The following LPAR3 variants were observed in gnomAD, a reference collection of about 807,000 sequenced individuals.
The protein encoded by LPAR3 is lysophosphatidic acid receptor 3.
LPAR3 carries 7 observed loss-of-function variants against 17.8 expected under a neutral mutation model. The observed-to-expected ratio is 0.39, with a 90% CI of 0.22 to 0.74. LPAR3 has a LOEUF of 0.74. LPAR3 is among the 30% of genes least tolerant of loss of function. LPAR3 has a pLI of 0.40. For synonymous variants in LPAR3, 179 were observed against 179.9 expected, an observed-to-expected ratio of 0.99 and a Z score of 0.04; for missense variants, 391 against 453.4, an observed-to-expected ratio of 0.86 and a Z score of 1.25.
At chr1:84,876,311 C>T (rs1660257259) in intron 1 of LPAR3, among the ~76,000 whole-genome samples, 1 of 152,176 alleles carries the variant, frequency 6.6e-6, no homozygotes, top group African/African-American at 2.4e-5. Flanking sequence ...ATGCATCTTC[C>T]AGCTCCCCTC....
At chr1:84,854,703 A>G (rs1219044323) in intron 2 of LPAR3, among the ~76,000 whole-genome samples, 1 of 152,238 alleles carries the variant, frequency 6.6e-6, no homozygotes, top group East Asian at 1.9e-4. Context: ...GAGAAAATAT[A>G]AAATGCAGAA....
intron 2 of LPAR3, among the ~76,000 whole-genome samples, chr1:84,832,385 T>C (rs970907511): frequency 4.6e-5 from 7 of 152,186 alleles, no homozygotes; most frequent in African/African-American, 1.7e-4. Context: ...TGCCCTCTAG[T>C]AAGTCAAAAT....
intron 1 of LPAR3, among the ~76,000 whole-genome samples, chr1:84,876,332 A>T (rs1016959700): frequency 2.0e-5 from 3 of 152,066 alleles, no homozygotes; most frequent in African/African-American, 7.2e-5. Flanking sequence ...CCTACCCTGT[A>T]TCCTACAGGG....
Position 84,882,269 on chromosome 1 carries a change from ATAAACT to A in LPAR3, c.-19+10741_-19+10746del, listed in dbSNP as rs367682387. ...ATTAAAAAGAATAAAACCCTGACAA[ATAAACT>A]TAATCAGAAAGGCAAAAGACTTATA... On this transcript the variant is annotated intron_variant, in intron 1 of 2. Transcript: ENST00000370611. Among the ~76,000 whole-genome samples, 409 of 152,338 alleles carry A rather than the reference ATAAACT, an allele frequency of 2.7e-3. 2 individuals are homozygous for A. The highest frequency in any genetic ancestry group is 8.1e-3 in the South Asian group (39 of 4,828).
At chr1:84,833,805 G>C (rs1659340085) in intron 2 of LPAR3, among the ~76,000 whole-genome samples, 2 of 152,176 alleles carry the variant, frequency 1.3e-5, no homozygotes, top group African/African-American at 4.8e-5. Context: ...AAAGTGTCCA[G>C]AACAGTGCTT....
intron 2 of LPAR3, among the ~76,000 whole-genome samples, chr1:84,828,198 T>C (rs1189083676): frequency 6.6e-6 from 1 of 152,134 alleles, no homozygotes; most frequent in Non-Finnish European, 1.5e-5. Flanking sequence ...TGTAGAGATA[T>C]GCTGCTGTGA....
intron 2 of LPAR3, among the ~76,000 whole-genome samples, chr1:84,864,837 G>A (rs1660008524): frequency 6.6e-6 from 1 of 151,962 alleles, no homozygotes; most frequent in Non-Finnish European, 1.5e-5. Flanking sequence ...ATAACCACAT[G>A]ACCCTACATT....
intron 2 of LPAR3, among the ~76,000 whole-genome samples, chr1:84,861,831 T>C (rs548407170): frequency 6.6e-6 from 1 of 152,202 alleles, no homozygotes; most frequent in Non-Finnish European, 1.5e-5. Flanking sequence ...TTGCATGACT[T>C]CTCTTATCCT....
At chr1:84,861,659 T>G (rs887549506) in intron 2 of LPAR3, among the ~76,000 whole-genome samples, 2 of 152,218 alleles carry the variant, frequency 1.3e-5, no homozygotes, top group Non-Finnish European at 2.9e-5. Context: ...GCTGGAAGTC[T>G]TCAGCCTTAC....
chr1:84,882,796 A>G (rs2102773053), intron 1 of LPAR3, among the ~76,000 whole-genome samples: 1 of 152,372 alleles, frequency 6.6e-6, no homozygotes, highest in East Asian at 1.9e-4. Flanking sequence ...GTGCACATGT[A>G]CCCTAGAACT....
chr1:84,892,490 A>C (rs1660571276), intron 1 of LPAR3, among the ~76,000 whole-genome samples: 1 of 152,196 alleles, frequency 6.6e-6, no homozygotes, highest in Non-Finnish European at 1.5e-5. Context: ...CAACCCCGAC[A>C]GTGTTGCTAG....
intron 2 of LPAR3, among the ~76,000 whole-genome samples, chr1:84,826,655 T>A (rs1274888022): frequency 6.6e-6 from 1 of 151,878 alleles, no homozygotes; most frequent in Non-Finnish European, 1.5e-5. Flanking sequence ...ATGCATAGTA[T>A]GATTCCATTC....
chr1:84,832,649 C>T (rs898098973), intron 2 of LPAR3, among the ~76,000 whole-genome samples: 4 of 152,284 alleles, frequency 2.6e-5, no homozygotes, highest in Admixed American at 2.0e-4. Flanking sequence ...ACACCAAACA[C>T]CTTCGAGATC....
chr1:84,869,606 A>C (rs1286859477), intron 1 of LPAR3, among the ~76,000 whole-genome samples: 1 of 152,228 alleles, frequency 6.6e-6, no homozygotes, highest in Non-Finnish European at 1.5e-5. Flanking sequence ...AGATAATGAA[A>C]AAAAATCTCA....
intron 2 of LPAR3, among the ~76,000 whole-genome samples, chr1:84,830,905 A>G (rs1260070686): frequency 6.6e-6 from 1 of 152,114 alleles, no homozygotes; most frequent in African/African-American, 2.4e-5. Context: ...TTATGGATTT[A>G]CTCAATAGCC....
chr1:84,889,087 A>T (rs1330490640), intron 1 of LPAR3, among the ~76,000 whole-genome samples: 2 of 152,040 alleles, frequency 1.3e-5, no homozygotes, highest in Non-Finnish European at 2.9e-5. Flanking sequence ...TACACAGGAC[A>T]AGAGGCCAGC....
At position 84,813,853 on chromosome 1, in the gene LPAR3, G is replaced by A. The variant is rs752040306; in HGVS notation, c.1055C>T (p.Thr352Ile). 3.1e-6 allele frequency: 5 copies of A among 1,612,158 alleles called. No homozygotes were observed. Among genetic ancestry groups the A allele is most frequent in the Admixed American group, 3.3e-5 (2 of 59,980 alleles). Residue 352 changes from threonine to isoleucine, a missense_variant, in exon 3 of 3, where the codon ACT (threonine) becomes ATT (isoleucine). Physicochemically the swap from Thr to Ile is moderately conservative, Grantham distance 89 (BLOSUM62 -1). Coordinates refer to ENST00000370611, the MANE Select transcript of LPAR3 (RefSeq NM_012152.3). ...CCGAGAGGCATCCAGAGTTTAGGAA[G>A]TGCTTTTATTGCAGACTGCACCTTG... The part of the protein sequence containing the change: ...ISQGAVCNKS[T>I]S
Position 84,828,664 on chromosome 1 carries a change from T to C in LPAR3, c.737-14493A>G, listed in dbSNP as rs150931337. Among the ~76,000 whole-genome samples, 4 of 152,310 alleles carry C rather than the reference T, an allele frequency of 2.6e-5. No homozygotes were observed. In the East Asian group the frequency reaches 5.8e-4, roughly 22 times the overall value. ...GTTCCTAAGCTCCTTGGCTGTCCCA[T>C]GGCCACCCCCTCCAGGCCTCTTTTC... On this transcript the variant is annotated intron_variant, in intron 2 of 2. Coordinates refer to ENST00000370611, the MANE Select transcript of LPAR3 (RefSeq NM_012152.3).
chr1:84,817,842 G>A (rs758627643), intron 2 of LPAR3, among the ~76,000 whole-genome samples: 4 of 151,302 alleles, frequency 2.6e-5, no homozygotes, highest in Admixed American at 6.6e-5. Flanking sequence ...ACCAAAGAAT[G>A]ATGTAATTGT....
Sources: gnomAD v4.1 joint callset for allele counts (sites outside exome capture counted in the v4.1 genomes callset) on GRCh38, gnomAD v4.1.1 for gene constraint, MANE v1.5 for transcripts, NCBI Gene and HGNC (gene_info 2026-07-23, HGNC 2026-07-21) for gene names.